PTPRG: variants seen among roughly 807,000 people sequenced by gnomAD.
PTPRG encodes the protein protein tyrosine phosphatase receptor type G, also known as receptor-type tyrosine-protein phosphatase gamma.
Under a neutral mutation model 165.3 loss-of-function variants are expected in PTPRG, and 102 were observed. The ratio of observed to expected loss-of-function variants is 0.62; its 90% CI spans 0.53 to 0.73. PTPRG has a LOEUF of 0.73. Ranked by LOEUF, PTPRG falls within the 30% of genes least tolerant of loss-of-function variation. PTPRG has a pLI of 0.00. For missense variants in PTPRG, 1,866 were observed against 1,861.4 expected (o/e 1.00, Z -0.05); for synonymous variants, 675 against 669.5 (o/e 1.01, Z -0.13).
chr3:61,794,870 G>A (rs1386354651), intron 2 of PTPRG, among the ~76,000 whole-genome samples: 1 of 151,944 alleles, frequency 6.6e-6, no homozygotes, highest in Non-Finnish European at 1.5e-5. Flanking sequence ...TATAACTTCT[G>A]GTTCATATTA....
Position 62,203,977 on chromosome 3 carries a change from G to A in PTPRG, c.2155+27G>A. ...TAAGTGGTGCAGGTCTTCTTCGAGG[G>A]TTCCTGCTCCTGTGAATAGTCGTAC... On this transcript the variant is annotated intron_variant, in intron 12 of 29. Coordinates refer to ENST00000474889, the MANE Select transcript of PTPRG (RefSeq NM_002841.4). The surrounding 1 kb of genome is among the most constrained non-coding windows in gnomAD (Gnocchi z 6.4). 6.6e-7 allele frequency: 1 copy of A among 1,523,360 alleles called. No homozygotes were observed. The highest frequency in any genetic ancestry group is 8.8e-7 in the Non-Finnish European group (1 of 1,134,748). The allele number at this position is 1,523,360 out of a possible 1,614,324, so 94.4% of individuals were successfully genotyped here.
intron 2 of PTPRG, among the ~76,000 whole-genome samples, chr3:61,830,826 G>A (rs1016179672): frequency 3.9e-5 from 6 of 152,192 alleles, no homozygotes; most frequent in Non-Finnish European, 5.9e-5. Context: ...CACCTGCCTC[G>A]GCCTTCCAAA....
In PTPRG at chr3:62,255,211, T is replaced by G. The variant is rs775053702; in HGVS notation, c.2555T>G (p.Phe852Cys). 1.9e-6 allele frequency: 3 copies of G among 1,610,278 alleles called. No homozygotes were observed. Among genetic ancestry groups the G allele is most frequent in the Non-Finnish European group, 2.5e-6 (3 of 1,177,698 alleles). ...SNNQHGFSED[F>C]EEVQRCTADM... The stretch of plus-strand genomic sequence containing the variant: ...AACCAGCATGGGTTCTCTGAGGATT[T>G]TGAGGTATGTTTCAAGGCTGGAAGT... Residue 852 changes from phenylalanine (F) to cysteine (C), a missense_variant, in exon 16 of 30, where the codon TTT (phenylalanine) becomes TGT (cysteine). Coordinates refer to ENST00000474889, the MANE Select transcript of PTPRG (RefSeq NM_002841.4). The surrounding 1 kb of genome is among the most constrained non-coding windows in gnomAD (Gnocchi z 4.0).
chr3:62,282,619 T>G (rs1378931889), intron 27 of PTPRG, 108 bp from the exon 28 acceptor site: 1 of 1,103,274 alleles, frequency 9.1e-7, no homozygotes, highest in Non-Finnish European at 1.3e-6. Flanking sequence ...CACAACATTG[T>G]TGAGAGTTAC....
intron 8 of PTPRG, among the ~76,000 whole-genome samples, chr3:62,186,977 C>T (rs1173049395): frequency 6.6e-6 from 1 of 152,194 alleles, no homozygotes; most frequent in Admixed American, 6.5e-5. Context: ...ACATGTCACA[C>T]AGGACCTGTG....
At chr3:61,576,731 A>G (rs1700181066) in intron 1 of PTPRG, among the ~76,000 whole-genome samples, 1 of 152,190 alleles carries the variant, frequency 6.6e-6, no homozygotes, top group South Asian at 2.1e-4. Flanking sequence ...GTGCTGCTAC[A>G]TGGGCAATTT....
At chr3:62,032,599 C>G (rs548048341) in intron 4 of PTPRG, among the ~76,000 whole-genome samples, 1 of 151,940 alleles carries the variant, frequency 6.6e-6, no homozygotes, top group African/African-American at 2.4e-5. Context: ...TTAGTGAAGA[C>G]GTTTTCCTTG....
chr3:62,276,890 A>C, intron 24 of PTPRG, 82 bp from the exon 25 acceptor site: 1 of 1,049,412 alleles, frequency 9.5e-7, no homozygotes, highest in African/African-American at 1.6e-5. Context: ...TATGTTATTC[A>C]TCAAGCAAAT....
At chr3:61,583,983 G>A (rs1002592525) in intron 1 of PTPRG, among the ~76,000 whole-genome samples, 1 of 152,196 alleles carries the variant, frequency 6.6e-6, no homozygotes, top group Non-Finnish European at 1.5e-5. Flanking sequence ...AGAAGGACAG[G>A]AACCTTCTCC....
intron 12 of PTPRG, among the ~76,000 whole-genome samples, chr3:62,212,481 T>C (rs1369208401): frequency 2.0e-5 from 3 of 152,212 alleles, no homozygotes; most frequent in East Asian, 1.9e-4. Context: ...ATCAGGATCA[T>C]GGTGAGTTTA....
intron 2 of PTPRG, among the ~76,000 whole-genome samples, chr3:61,931,300 G>A (rs1466505268): frequency 6.6e-6 from 1 of 152,180 alleles, no homozygotes; most frequent in East Asian, 1.9e-4. Flanking sequence ...TCTGCTTAAA[G>A]GTTTATTACT....
chr3:61,867,444 C>A (rs1231316131), intron 2 of PTPRG, among the ~76,000 whole-genome samples: 1 of 152,274 alleles, frequency 6.6e-6, no homozygotes, highest in East Asian at 1.9e-4. Flanking sequence ...CTTTTCCCCT[C>A]TCTTCTTTCC....
chr3:61,905,218 A>G (rs2038611784), intron 2 of PTPRG, among the ~76,000 whole-genome samples: 1 of 152,126 alleles, frequency 6.6e-6, no homozygotes, highest in South Asian at 2.1e-4. Flanking sequence ...GCTGGGGAGG[A>G]CATACATACT....
rs556438712 is a variant in PTPRG at position 61,943,283 on chromosome 3, A to C, written c.191-46342A>C. 9.8e-5 allele frequency among the ~76,000 whole-genome samples: 15 copies of C among 152,318 alleles called. 1 individual carries two copies. In the South Asian group the frequency reaches 2.9e-3, roughly 29 times the overall value. Reference sequence around the variant, plus strand: ...GTTGTTGTGAACCTGTTTTCTAAAAATGCTGACAAAAATACATGTAATAGG... The same window carrying C: ...GTTGTTGTGAACCTGTTTTCTAAAACTGCTGACAAAAATACATGTAATAGG... On this transcript the variant is annotated intron_variant, in intron 2 of 29. Coordinates refer to ENST00000474889, the MANE Select transcript of PTPRG (RefSeq NM_002841.4).
chr3:62,022,508 T>G (rs1048527747), intron 4 of PTPRG, among the ~76,000 whole-genome samples: 31 of 152,316 alleles, frequency 2.0e-4, no homozygotes, highest in Admixed American at 6.5e-5. Context: ...CATTTTTCAA[T>G]TTAAGTAGAT....
intron 2 of PTPRG, among the ~76,000 whole-genome samples, chr3:61,802,341 T>C (rs1229431727): frequency 1.3e-5 from 2 of 151,990 alleles, no homozygotes; most frequent in African/African-American, 4.8e-5. Context: ...GATGGCAAAA[T>C]AGAGCTTGAG....
chr3:61,910,154 C>G (rs965428215), intron 2 of PTPRG, among the ~76,000 whole-genome samples: 27 of 152,314 alleles, frequency 1.8e-4, no homozygotes, highest in African/African-American at 6.3e-4. Flanking sequence ...ACATGCCTTA[C>G]GTACCTCTTC....
chr3:62,267,594 A>T (rs1470664358), intron 18 of PTPRG, 91 bp from the exon 19 acceptor site: 2 of 1,540,924 alleles, frequency 1.3e-6, no homozygotes, highest in Non-Finnish European at 8.8e-7. Flanking sequence ...CACTAAAAAC[A>T]AAGCCCATTC....
intron 2 of PTPRG, among the ~76,000 whole-genome samples, chr3:61,871,195 GTTATGTTATGTTATGTTATGTTA>G (rs1299266942): frequency 2.0e-5 from 3 of 149,196 alleles, no homozygotes; most frequent in Non-Finnish European, 4.4e-5. Flanking sequence ...GTTATGTTAT[GTTATGTTATGTTATGTTATGTTA>G]TGTTATGTTA....
Sources: allele counts gnomAD v4.1 joint callset (sites outside exome capture counted in the v4.1 genomes callset), GRCh38; gene constraint gnomAD v4.1.1; non-coding constraint Gnocchi (gnomAD v3.1); transcripts MANE v1.5; gene names NCBI Gene and HGNC (gene_info 2026-07-23, HGNC 2026-07-21).